MTBP: variants seen among roughly 807,000 people sequenced by gnomAD.
The protein encoded by MTBP is mdm2-binding protein.
A neutral mutation model predicts 117.0 loss-of-function variants in MTBP; 101 were observed. The ratio of observed to expected loss-of-function variants is 0.86; its 90% CI spans 0.73 to 1.02. MTBP has a LOEUF of 1.02. MTBP is among the 50% of genes least tolerant of loss of function. The pLI, the probability that MTBP is intolerant of heterozygous loss-of-function variation, is 0.00. For missense variants in MTBP, 970 were observed against 1,030.9 expected (o/e 0.94, Z 0.81); for synonymous variants, 350 against 351.5 (o/e 1.00, Z 0.05).
At chr8:120,508,455 A>G (rs1258897670) in intron 16 of MTBP, among the ~76,000 whole-genome samples, 1 of 152,208 alleles carries the variant, frequency 6.6e-6, no homozygotes, top group African/African-American at 2.4e-5. Flanking sequence ...AAATTATTTT[A>G]ATAATCATCG....
chr8:120,446,862 A>G (rs1052603820), intron 2 of MTBP, among the ~76,000 whole-genome samples: 2 of 152,066 alleles, frequency 1.3e-5, no homozygotes, highest in Non-Finnish European at 2.9e-5. Flanking sequence ...GGATTTCCTT[A>G]CCATTTATTT....
chr8:120,477,200 T>G (rs1310947609), intron 11 of MTBP, among the ~76,000 whole-genome samples: 1 of 152,194 alleles, frequency 6.6e-6, no homozygotes, highest in Non-Finnish European at 1.5e-5. Context: ...GCTAGCCATA[T>G]GCAGAAAGCT....
At chr8:120,482,369 T>A (rs1398776396) in intron 11 of MTBP, among the ~76,000 whole-genome samples, 1 of 152,224 alleles carries the variant, frequency 6.6e-6, no homozygotes, top group Non-Finnish European at 1.5e-5. Context: ...AAATTGGTAA[T>A]GAAGGTACAC....
At chr8:120,475,516 T>C (rs1813914217) in intron 11 of MTBP, among the ~76,000 whole-genome samples, 1 of 152,096 alleles carries the variant, frequency 6.6e-6, no homozygotes, top group South Asian at 2.1e-4. Flanking sequence ...TGTGTATTAA[T>C]TTGAACCATC....
At chr8:120,462,735 A>G (rs748078540) in intron 9 of MTBP, among the ~76,000 whole-genome samples, 2 of 152,160 alleles carry the variant, frequency 1.3e-5, no homozygotes, top group Admixed American at 6.6e-5. Flanking sequence ...TTTTCAAACT[A>G]TCTTCCAAGG....
intron 17 of MTBP, among the ~76,000 whole-genome samples, chr8:120,514,240 T>C (rs1462600811): frequency 6.6e-6 from 1 of 151,998 alleles, no homozygotes; most frequent in Non-Finnish European, 1.5e-5. Flanking sequence ...AAGTCTAGTC[T>C]CTTAGCAAAT....
rs762101536 is a variant in MTBP at position 120,445,445 on chromosome 8, A to G, written c.-26A>G. ...TGTTTGGATGTGGAAGCCGAGACCT[A>G]AAGTTGGGGGGTGATCTCTGAGGAG... On this transcript the variant is annotated 5_prime_UTR_variant, in exon 1 of 22. Coordinates refer to ENST00000305949, the MANE Select transcript of MTBP (RefSeq NM_022045.5). 13 of 1,594,842 alleles carry G rather than the reference A, an allele frequency of 8.2e-6. No homozygotes were observed. Among genetic ancestry groups the G allele is most frequent in the Admixed American group, 1.7e-5 (1 of 58,700 alleles).
In MTBP at chr8:120,469,611, C is replaced by T. The variant is rs1586947389; in HGVS notation, c.1048-1209C>T. Among the ~76,000 whole-genome samples, 3 of 152,350 alleles carry T rather than the reference C, an allele frequency of 2.0e-5. No individual in the cohort carries two copies. In the South Asian group the frequency reaches 6.2e-4, roughly 32 times the overall value. On this transcript the variant is annotated intron_variant, in intron 10 of 21. Transcript: ENST00000305949. ...GCGTTGATGTTGCAAGTTGTCTCCA[C>T]TGCTTTATGACCCATTTTGAACTCG...
chr8:120,509,418 A>T (rs977023690), intron 16 of MTBP, among the ~76,000 whole-genome samples: 1 of 152,130 alleles, frequency 6.6e-6, no homozygotes, highest in African/African-American at 2.4e-5. Flanking sequence ...CCTGGCCAAC[A>T]TGGTGAAACC....
chr8:120,460,092 A>G (rs1369095700), intron 8 of MTBP, among the ~76,000 whole-genome samples: 1 of 152,154 alleles, frequency 6.6e-6, no homozygotes, highest in African/African-American at 2.4e-5. Flanking sequence ...TTGATGGTTA[A>G]TATTTTCTAA....
At chr8:120,510,788 T>C (rs1814787910) in intron 17 of MTBP, among the ~76,000 whole-genome samples, 1 of 152,030 alleles carries the variant, frequency 6.6e-6, no homozygotes, top group Non-Finnish European at 1.5e-5. Context: ...TGTGTGCCTG[T>C]AGTCCTAGCT....
chr8:120,460,976 C>T (rs1813570750), intron 8 of MTBP, among the ~76,000 whole-genome samples, 185 bp from the exon 9 acceptor site: 1 of 152,088 alleles, frequency 6.6e-6, no homozygotes, highest in Non-Finnish European at 1.5e-5. Flanking sequence ...TGTTTCTGTA[C>T]CCTGAAAGGT....
intron 10 of MTBP, among the ~76,000 whole-genome samples, chr8:120,468,042 G>T (rs966838769): frequency 3.3e-5 from 5 of 150,954 alleles, no homozygotes; most frequent in Non-Finnish European, 7.4e-5. Context: ...GTACAGTCTG[G>T]TCACATTTTT....
chr8:120,475,156 AG>A (rs1234332901), intron 11 of MTBP, among the ~76,000 whole-genome samples: 1 of 151,890 alleles, frequency 6.6e-6, no homozygotes, highest in East Asian at 1.9e-4. Context: ...TAATTTTTTC[AG>A]GTCTTTACTC....
At chr8:120,471,740 G>A (rs1017121165) in intron 11 of MTBP, 7 of 152,048 alleles carry the variant, frequency 4.6e-5, no homozygotes, top group Non-Finnish European at 7.4e-5. Context: ...GAAGGAATTG[G>A]AGCTTAGAGA....
At chr8:120,516,698 T>C (rs745401812) in intron 18 of MTBP, among the ~76,000 whole-genome samples, 2 of 152,060 alleles carry the variant, frequency 1.3e-5, no homozygotes, top group African/African-American at 2.4e-5. Flanking sequence ...AAATGAAATA[T>C]CCAGATACTT....
intron 8 of MTBP, among the ~76,000 whole-genome samples, chr8:120,460,492 G>T (rs557075582): frequency 4.2e-4 from 64 of 152,216 alleles, no homozygotes; most frequent in Non-Finnish European, 7.8e-4. Context: ...TTCAAGAAGT[G>T]TGCTCTTTTC....
intron 16 of MTBP, among the ~76,000 whole-genome samples, chr8:120,509,517 G>A (rs147316495): frequency 0.014 from 2,094 of 152,162 alleles, 44 homozygotes; most frequent in African/African-American, 0.046. Context: ...CAGGAGAATC[G>A]CTTGAACCTG....
At chr8:120,523,041 T>C (rs1815032773) in intron 21 of MTBP, among the ~76,000 whole-genome samples, 1 of 152,196 alleles carries the variant, frequency 6.6e-6, no homozygotes, top group Non-Finnish European at 1.5e-5. Flanking sequence ...ATTTGAAACA[T>C]ATTTTCATAT....
Sources: allele counts gnomAD v4.1 joint callset (sites outside exome capture counted in the v4.1 genomes callset), GRCh38; gene constraint gnomAD v4.1.1; transcripts MANE v1.5; gene names NCBI Gene and HGNC (gene_info 2026-07-23, HGNC 2026-07-21).